LRBA: variants seen among roughly 807,000 people sequenced by gnomAD.
The protein encoded by LRBA is LPS responsive beige-like anchor protein.
LRBA carries 176 observed loss-of-function variants against 330.0 expected under a neutral mutation model. That is an observed-to-expected ratio of 0.53 (90% confidence interval 0.47 to 0.60). LRBA has a LOEUF of 0.60. Among genes scored for constraint, LRBA ranks in the 20% least tolerant of loss-of-function variants. The pLI is 0.00. For synonymous variants in LRBA, 1,230 were observed against 1,193.0 expected (o/e 1.03, Z -0.64); for missense variants, 3,259 against 3,444.8 (o/e 0.95, Z 1.35).
intron 38 of LRBA, among the ~76,000 whole-genome samples, chr4:150,593,297 A>G (rs141034742): frequency 6.6e-6 from 1 of 152,346 alleles, no homozygotes; most frequent in Non-Finnish European, 1.5e-5. Context: ...GGCTAATATT[A>G]CATATCATTT....
intron 40 of LRBA, among the ~76,000 whole-genome samples, chr4:150,513,108 C>A (rs1038325114): frequency 6.6e-6 from 1 of 152,138 alleles, no homozygotes; most frequent in African/African-American, 2.4e-5. Context: ...AGACAGAATA[C>A]ATTGAATGTA....
chr4:150,868,660 G>A (rs529169029), intron 20 of LRBA, among the ~76,000 whole-genome samples: 49 of 152,268 alleles, frequency 3.2e-4, no homozygotes, highest in African/African-American at 1.0e-3. Flanking sequence ...CAAGCAGGCC[G>A]GGCGAGGTGG....
intron 37 of LRBA, among the ~76,000 whole-genome samples, chr4:150,679,844 T>C (rs1210298103): frequency 6.6e-6 from 1 of 152,208 alleles, no homozygotes; most frequent in Non-Finnish European, 1.5e-5. Flanking sequence ...TTTTTAGAGA[T>C]GAGAACCACC....
intron 37 of LRBA, among the ~76,000 whole-genome samples, chr4:150,682,954 T>C (rs1329050514): frequency 6.6e-6 from 1 of 152,078 alleles, no homozygotes; most frequent in African/African-American, 2.4e-5. Flanking sequence ...AATTAATTTC[T>C]ATAAAGTAAA....
rs1758608611 is a variant in LRBA at position 150,489,604 on chromosome 4, T to TAATATATAAG, written c.6448+1313_6448+1314insCTTATATATT. On this transcript the variant is annotated intron_variant, in intron 41 of 56. Coordinates refer to ENST00000651943, the MANE Select transcript of LRBA (RefSeq NM_001364905.1). Reference sequence around the variant, plus strand: ...ATATAATATATTATATAAGAATATATAATATATAATATATAAGAATATATA... The same window carrying TAATATATAAG: ...ATATAATATATTATATAAGAATATATAATATATAAGAATATATAATATATAAGAATATATA... Among the ~76,000 whole-genome samples the TAATATATAAG allele has an allele frequency of 1.4e-4, 9 of 66,008 alleles. No individual in the cohort carries two copies. In the South Asian group the frequency reaches 1.7e-3, roughly 12 times the overall value. The allele number at this position is 66,008 out of a possible 152,430, so 43.3% of individuals were successfully genotyped here. A position where few individuals can be genotyped will look rare whatever the true frequency, so the allele number is the denominator to read the frequency against.
In LRBA at chr4:150,550,057, G is replaced by T. The variant is rs181931694; in HGVS notation, c.6330+37991C>A. On this transcript the variant is annotated intron_variant, in intron 40 of 56. Coordinates refer to ENST00000651943, the MANE Select transcript of LRBA (RefSeq NM_001364905.1). The stretch of plus-strand genomic sequence containing the variant: ...TTTAGGGTAATTTTAATATAGCAGA[G>T]AATTCATTTTCTGTAAATTTAGCTC... Among the ~76,000 whole-genome samples, 4 of 152,172 alleles carry T rather than the reference G, an allele frequency of 2.6e-5. No individual in the cohort carries two copies. The East Asian group carries it at 5.8e-4, about 22-fold the overall frequency.
intron 40 of LRBA, among the ~76,000 whole-genome samples, chr4:150,577,492 T>C (rs1462300821): frequency 5.9e-5 from 9 of 151,812 alleles, no homozygotes; most frequent in Admixed American, 4.6e-4. Context: ...AGCACCCACA[T>C]AGATGTTTCA....
At chr4:150,753,928 G>A (rs919682429) in intron 35 of LRBA, among the ~76,000 whole-genome samples, 6 of 151,592 alleles carry the variant, frequency 4.0e-5, no homozygotes, top group African/African-American at 1.5e-4. Flanking sequence ...TAGTTGTGGT[G>A]TGGTGGCGAG....
At chr4:150,842,787 C>T (rs985424151) in intron 28 of LRBA, among the ~76,000 whole-genome samples, 9 of 152,142 alleles carry the variant, frequency 5.9e-5, no homozygotes, top group African/African-American at 1.7e-4. Context: ...ATATTGCTAA[C>T]TCCCTCATAG....
intron 44 of LRBA, among the ~76,000 whole-genome samples, chr4:150,445,634 CT>C (rs1022575425): frequency 7.9e-5 from 12 of 151,884 alleles, no homozygotes; most frequent in Admixed American, 7.2e-4. Context: ...TAATAAATTG[CT>C]TTTTGGAAAA....
chr4:150,805,562 A>AAAGGAAGGGAG (rs1742620100), intron 33 of LRBA, among the ~76,000 whole-genome samples: 3 of 109,198 alleles, frequency 2.7e-5, no homozygotes, highest in South Asian at 3.3e-4. Context: ...AAAGGAAAGG[A>AAAGGAAGGGAG]AAGGAAAGGA....
In LRBA at chr4:150,806,574, G is replaced by A. The variant is rs143375652; in HGVS notation, c.5385-170C>T. Among the ~76,000 whole-genome samples, 56 of 152,000 alleles carry A rather than the reference G, an allele frequency of 3.7e-4. No individual in the cohort carries two copies. The East Asian group carries it at 7.7e-3, about 21-fold the overall frequency. On this transcript the variant is annotated intron_variant, in intron 32 of 56. Transcript: ENST00000651943. ...AGCAGTCCTTCTGCCAAAAATATTC[G>A]TTTTTATCCTGATCTATCTTGCCCC... is the stretch of plus-strand genomic sequence containing the variant.
chr4:150,738,750 C>T (rs1403049410), intron 35 of LRBA, among the ~76,000 whole-genome samples: 2 of 151,698 alleles, frequency 1.3e-5, no homozygotes, highest in African/African-American at 4.8e-5. Flanking sequence ...TTATAATATT[C>T]ATACTACAAT....
chr4:150,984,874 A>G (rs761680524), intron 2 of LRBA, among the ~76,000 whole-genome samples: 4 of 152,232 alleles, frequency 2.6e-5, no homozygotes, highest in African/African-American at 7.2e-5. Flanking sequence ...AAACATACAT[A>G]TCACAAAACT....
rs1490954674 is a variant in LRBA at position 150,661,059 on chromosome 4, T to A, written c.5921+22492A>T. On this transcript the variant is annotated intron_variant, in intron 37 of 56. Coordinates refer to ENST00000651943, the MANE Select transcript of LRBA (RefSeq NM_001364905.1). ...CCCTCTGTGAGAAACACCCAAGAAT[T>A]ATCAATAAAAAAATAAATTAAAAAA... 5.6e-5 allele frequency among the ~76,000 whole-genome samples: 5 copies of A among 88,842 alleles called. No individual in the cohort carries two copies. In the East Asian group the frequency reaches 1.6e-3, roughly 28 times the overall value. 58.3% of individuals were successfully genotyped at this position (88,842 alleles called of 152,430 possible).
At chr4:150,379,846 C>A (rs1741926458) in intron 47 of LRBA, among the ~76,000 whole-genome samples, 1 of 151,966 alleles carries the variant, frequency 6.6e-6, no homozygotes, top group Non-Finnish European at 1.5e-5. Context: ...AAACCATGAA[C>A]TCCATACATA....
chr4:150,512,534 C>T (rs1944174712), intron 40 of LRBA, among the ~76,000 whole-genome samples: 2 of 151,938 alleles, frequency 1.3e-5, no homozygotes, highest in Admixed American at 6.6e-5. Context: ...GCCCTCTTTC[C>T]ACCAGGTAAG....
At chr4:150,762,622 T>C (rs1375545862) in intron 34 of LRBA, among the ~76,000 whole-genome samples, 3 of 151,964 alleles carry the variant, frequency 2.0e-5, no homozygotes, top group East Asian at 1.9e-4. Flanking sequence ...ATGCCACTTG[T>C]GTGTATGTGC....
At chr4:150,496,244 ACTTATT>A (rs1423881564) in intron 40 of LRBA, among the ~76,000 whole-genome samples, 2 of 152,088 alleles carry the variant, frequency 1.3e-5, no homozygotes, top group African/African-American at 4.8e-5. Flanking sequence ...ACTTTGTTGC[ACTTATT>A]CTTAGTAAAA....
Sources: allele counts gnomAD v4.1 joint callset (sites outside exome capture counted in the v4.1 genomes callset), GRCh38; gene constraint gnomAD v4.1.1; transcripts MANE v1.5; gene names NCBI Gene and HGNC (gene_info 2026-07-23, HGNC 2026-07-21).